TECTA: variants seen among roughly 807,000 people sequenced by gnomAD.
TECTA encodes tectorin alpha, also known as alpha-tectorin.
Under a neutral mutation model 216.8 loss-of-function variants are expected in TECTA, and 128 were observed. The ratio of observed to expected loss-of-function variants is 0.59; its 90% confidence interval spans 0.51 to 0.68. The LOEUF (loss-of-function observed/expected upper bound fraction) is 0.68. TECTA is among the 30% of genes least tolerant of loss of function. The pLI is 0.00. For synonymous variants in TECTA, 1,089 were observed against 1,117.1 expected (o/e 0.97, Z 0.50); for missense variants, 2,551 against 2,786.2 (o/e 0.92, Z 1.90).
chr11:121,105,751 G>T lies in TECTA; in HGVS notation c.65-80G>T, dbSNP rs114256496. On this transcript the variant is annotated intron_variant, in intron 2 of 23. Coordinates refer to ENST00000392793, the MANE Select transcript of TECTA (RefSeq NM_005422.4). This position sits in a 1 kb window ranked among gnomAD's most constrained non-coding sequence, Gnocchi z 5.3. ...TTGCAAGCCCTACTGAAAGAAGCTG[G>T]CTTCAGTAGGTAGGAGAGATGTAGA... 10 of 1,583,214 alleles carry T rather than the reference G, an allele frequency of 6.3e-6. No homozygotes were observed. In the Admixed American group the frequency reaches 1.7e-4, roughly 28 times the overall value.
chr11:121,189,060 C>A lies in TECTA; in HGVS notation c.6163-20C>A. ...CAGCTTAATTGTGTGAAAATTTCCC[C>A]CTGGTATTCTGTCTTGCAGACTTGC... On this transcript the variant is annotated intron_variant, in intron 21 of 23. Coordinates refer to ENST00000392793, the MANE Select transcript of TECTA (RefSeq NM_005422.4). The A allele has an allele frequency of 1.9e-6, 3 of 1,613,446 alleles. No individual in the cohort carries two copies. The highest frequency in any genetic ancestry group is 2.2e-5 in the East Asian group (1 of 44,864).
rs1369068894 is a variant in TECTA, at chr11:121,101,341, TGAG to T, written c.-99_-97del. 1 of 152,222 alleles carries T rather than the reference TGAG, an allele frequency of 6.6e-6. No individual in the cohort carries two copies. The highest frequency in any genetic ancestry group is 1.5e-5 in the Non-Finnish European group (1 of 68,040). The allele number at this position is 152,222 out of a possible 1,614,324, so 9.4% of individuals were successfully genotyped here. On this transcript the variant is annotated 5_prime_UTR_variant, in exon 1 of 24. Coordinates refer to ENST00000392793, the MANE Select transcript of TECTA (RefSeq NM_005422.4). The stretch of plus-strand genomic sequence containing the variant: ...GAATCAGAAATTATTGGCAACAAGT[TGAG>T]GAGAACTGACATGAATTCTTGTTTT...
intron 6 of TECTA, among the ~76,000 whole-genome samples, chr11:121,116,718 C>T (rs1946505510): frequency 6.6e-6 from 1 of 152,138 alleles, no homozygotes; most frequent in Non-Finnish European, 1.5e-5. Flanking sequence ...ATTCCACAAA[C>T]AAAATTATCT....
At chr11:121,184,298 G>GTC (rs1330920053) in intron 20 of TECTA, among the ~76,000 whole-genome samples, 6 of 151,976 alleles carry the variant, frequency 3.9e-5, no homozygotes, top group South Asian at 2.1e-4. Flanking sequence ...CCTCCTCTTT[G>GTC]TCTCTCTCTC....
chr11:121,144,666 G>C (rs898989522), intron 11 of TECTA, among the ~76,000 whole-genome samples: 1 of 152,220 alleles, frequency 6.6e-6, no homozygotes, highest in African/African-American at 2.4e-5. Flanking sequence ...GGAGTTTACT[G>C]TTAAGGGATT....
At chr11:121,172,095 T>C (rs1947118059) in intron 20 of TECTA, among the ~76,000 whole-genome samples, 1 of 152,202 alleles carries the variant, frequency 6.6e-6, no homozygotes, top group South Asian at 2.1e-4. Flanking sequence ...TTTTGAGAAT[T>C]TTTATCATAA....
At chr11:121,139,392 T>C (rs1353998274) in intron 11 of TECTA, among the ~76,000 whole-genome samples, 3 of 152,214 alleles carry the variant, frequency 2.0e-5, no homozygotes, top group Non-Finnish European at 4.4e-5. Context: ...CTGGAAACAC[T>C]GGTCAAATGA....
At chr11:121,149,231 A>G (rs1266694029) in intron 12 of TECTA, among the ~76,000 whole-genome samples, 1 of 152,192 alleles carries the variant, frequency 6.6e-6, no homozygotes, top group Non-Finnish European at 1.5e-5. Context: ...CTTCTGTGCA[A>G]TGCTGCCTCT....
chr11:121,124,842 C>T lies in TECTA; in HGVS notation c.1204-460C>T, dbSNP rs370877767. 1.0e-3 allele frequency among the ~76,000 whole-genome samples: 155 copies of T among 152,284 alleles called. 2 individuals are homozygous for T. In the South Asian group the frequency reaches 0.031, roughly 30 times the overall value. On this transcript the variant is annotated intron_variant, in intron 7 of 23. Transcript: ENST00000392793. The stretch of plus-strand genomic sequence containing the variant: ...GCTAAATGGTGTCCAGCAGTGGACC[C>T]AGCACACACTCGAGCTGAGAGTGGG...
chr11:121,109,047 G>A (rs970992917), intron 3 of TECTA, among the ~76,000 whole-genome samples, 164 bp from the exon 4 acceptor site: 1 of 152,188 alleles, frequency 6.6e-6, no homozygotes. Flanking sequence ...GGAAGTAAAC[G>A]AACCTCTTAG....
At chr11:121,156,382 C>G (rs754505986) in intron 13 of TECTA, among the ~76,000 whole-genome samples, 2 of 151,966 alleles carry the variant, frequency 1.3e-5, no homozygotes, top group African/African-American at 2.4e-5. Context: ...TTTGCTCTGT[C>G]ACCCAGGCTG....
At position 121,145,568 on chromosome 11, in the gene TECTA, G is replaced by A. The variant is rs758540905; in HGVS notation, c.3557G>A (p.Arg1186Gln). ...CTCCTCTTACAGGTCAACAGTGAAC[G>A]GCTCTATCTGCCCCTGAAGCTGGGG... The part of the protein sequence containing the change: ...YKHTVLVNSE[R>Q]LYLPLKLGQG... The change falls in exon 12 of 24, where the codon CGG (arginine) becomes CAG (glutamine). Residue 1186 changes from arginine (R) to glutamine (Q), a missense_variant. By Grantham distance (43) the Arg-to-Gln change is conservative. Coordinates refer to ENST00000392793, the MANE Select transcript of TECTA (RefSeq NM_005422.4). 39 of 1,614,180 alleles carry A rather than the reference G, an allele frequency of 2.4e-5. No homozygotes were observed. The highest frequency in any genetic ancestry group is 3.1e-5 in the Non-Finnish European group (37 of 1,180,024).
At position 121,157,968 on chromosome 11, in the gene TECTA, G is replaced by T. The variant is rs753537800; in HGVS notation, c.4433G>T (p.Gly1478Val). The T allele has an allele frequency of 1.2e-6, 2 of 1,613,446 alleles. No individual in the cohort carries two copies. Among genetic ancestry groups the T allele is most frequent in the South Asian group, 1.1e-5 (1 of 91,082 alleles). ...TGTGCGCTGCGCAACGGGGTGCGCG[G>T]CTGCTTCAGCACCAAGACCTCCTAC... is the stretch of plus-strand genomic sequence containing the variant. ...EECALRNGVR[G>V]CFSTKTSYCL... The change falls in exon 14 of 24, where the codon GGC (glycine) becomes GTC (valine). Residue 1478 changes from glycine (G) to valine (V), a missense_variant. By Grantham distance (109) the Gly-to-Val change is moderately radical. Transcript: ENST00000392793.
Position 121,166,595 on chromosome 11 carries a change from G to T in TECTA, c.5401G>T (p.Asp1801Tyr). 1.2e-6 allele frequency: 2 copies of T among 1,614,104 alleles called. No individual in the cohort carries two copies. Among genetic ancestry groups the T allele is most frequent in the Non-Finnish European group, 1.7e-6 (2 of 1,180,020 alleles). ...TCCCACAGACTCACATGACATTATC[G>T]ATGCAGAGGTGACCTGCAAAGCAGC... ...PYGNNSHDII[D>Y]AEVTCKAAQM... is the part of the protein sequence containing the mutation. The change falls in exon 18 of 24, where the codon GAT becomes TAT. Residue 1801 changes from aspartate (D) to tyrosine (Y), a missense_variant. Coordinates refer to ENST00000392793, the MANE Select transcript of TECTA (RefSeq NM_005422.4).
chr11:121,167,796 G>A (rs1403593116), intron 18 of TECTA, among the ~76,000 whole-genome samples: 1 of 152,150 alleles, frequency 6.6e-6, no homozygotes, highest in African/African-American at 2.4e-5. Flanking sequence ...GTCTGGTAGT[G>A]GTTAGAATTC....
At chr11:121,150,356 G>A (rs1353503409) in intron 12 of TECTA, among the ~76,000 whole-genome samples, 2 of 152,150 alleles carry the variant, frequency 1.3e-5, no homozygotes, top group Non-Finnish European at 2.9e-5. Context: ...TAAAATCCGG[G>A]CAGAACAAAG....
intron 16 of TECTA, among the ~76,000 whole-genome samples, chr11:121,164,960 A>T (rs1316753500): frequency 6.6e-6 from 1 of 152,228 alleles, no homozygotes; most frequent in Non-Finnish European, 1.5e-5. Context: ...GGTTAAGAGC[A>T]TCTGTGCATT....
intron 12 of TECTA, among the ~76,000 whole-genome samples, chr11:121,146,748 G>T (rs1021446386): frequency 1.3e-5 from 2 of 152,144 alleles, no homozygotes; most frequent in South Asian, 4.1e-4. Context: ...CCTCAGAAAC[G>T]TAAAGGGGAT....
intron 20 of TECTA, among the ~76,000 whole-genome samples, chr11:121,177,050 A>G (rs936707581): frequency 4.6e-5 from 7 of 151,970 alleles, no homozygotes; most frequent in African/African-American, 1.5e-4. Flanking sequence ...ACTTCTCTGT[A>G]TTGGTTATTC....
Sources: gnomAD v4.1 joint callset for allele counts (sites outside exome capture counted in the v4.1 genomes callset) on GRCh38, gnomAD v4.1.1 for gene constraint, Gnocchi (gnomAD v3.1) non-coding constraint, MANE v1.5 for transcripts, NCBI Gene and HGNC (gene_info 2026-07-23, HGNC 2026-07-21) for gene names.